RCOR3: variants seen among roughly 807,000 people sequenced by gnomAD.
The protein encoded by RCOR3 is REST corepressor 3.
A neutral mutation model predicts 64.1 loss-of-function variants in RCOR3; 13 were observed. The ratio of observed to expected loss-of-function variants is 0.20; its 90% CI spans 0.13 to 0.32. The LOEUF is 0.32. Ranked by LOEUF, RCOR3 falls within the 10% of genes least tolerant of loss-of-function variation. The pLI, the probability that RCOR3 is intolerant of heterozygous loss-of-function variation, is 1.00. For missense variants in RCOR3, 489 were observed against 701.2 expected (o/e 0.70, Z 3.42); for synonymous variants, 215 against 239.0 (o/e 0.90, Z 0.93).
chr1:211,271,786 C>T (rs866537382), intron 3 of RCOR3: 2 of 249,006 alleles, frequency 8.0e-6, no homozygotes, highest in Middle Eastern at 3.3e-3. Flanking sequence ...ATTGACCATG[C>T]ACTTCTTGAA....
chr1:211,313,796 CTT>C lies in RCOR3; in HGVS notation c.*31_*32del, dbSNP rs753470285. On this transcript the variant is annotated 3_prime_UTR_variant, in exon 12 of 12. Transcript: ENST00000419091. This position sits in a 1 kb window ranked among gnomAD's most constrained non-coding sequence, Gnocchi z 4.7. ...ATTAAATTGGACACAGCTGCAGTAA[CTT>C]TTCACCCCATCATTATACCAGTGCT... The C allele has an allele frequency of 4.4e-5, 68 of 1,560,706 alleles. 1 individual carries two copies. The South Asian group carries it at 6.9e-4, about 16-fold the overall frequency.
rs1449715745 is a variant in RCOR3 at position 211,312,684 on chromosome 1, A to G, written c.1076-36A>G. 6.9e-7 allele frequency: 1 copy of G among 1,446,800 alleles called. No homozygotes were observed. Among genetic ancestry groups the G allele is most frequent in the South Asian group, 1.1e-5 (1 of 87,132 alleles). The allele number at this position is 1,446,800 out of a possible 1,614,324, so 89.6% of individuals were successfully genotyped here. A position where few individuals can be genotyped will look rare whatever the true frequency, so the allele number is the denominator to read the frequency against. ...ATAGTACACACAGCTCTCCTTATTG[A>G]TCCTTCACAGGTGTATTATTTACTT... On this transcript the variant is annotated intron_variant, in intron 10 of 11. Coordinates refer to ENST00000419091, the MANE Select transcript of RCOR3 (RefSeq NM_001136223.3). This position sits in a 1 kb window ranked among gnomAD's most constrained non-coding sequence, Gnocchi z 5.0.
At chr1:211,290,677 C>G (rs1440759452) in intron 8 of RCOR3, among the ~76,000 whole-genome samples, 1 of 152,092 alleles carries the variant, frequency 6.6e-6, no homozygotes, top group African/African-American at 2.4e-5. Context: ...CGCTCGGCCT[C>G]TTGTTGATTC....
intron 2 of RCOR3, among the ~76,000 whole-genome samples, chr1:211,265,961 AT>A (rs1210073042): frequency 6.6e-6 from 1 of 151,780 alleles, no homozygotes; most frequent in East Asian, 1.9e-4. Flanking sequence ...GTGCCCTTTT[AT>A]TTTTTTTAAG....
chr1:211,285,332 T>C (rs1243786596), intron 7 of RCOR3, among the ~76,000 whole-genome samples: 1 of 152,238 alleles, frequency 6.6e-6, no homozygotes, highest in Non-Finnish European at 1.5e-5. Context: ...TGGTAGTTGA[T>C]GCTAGCTGTA....
intron 9 of RCOR3, among the ~76,000 whole-genome samples, chr1:211,296,352 G>A (rs1208369586): frequency 6.6e-6 from 1 of 151,984 alleles, no homozygotes; most frequent in Admixed American, 6.6e-5. Context: ...ATTCCCTTAA[G>A]GTCCAATCAG....
intron 7 of RCOR3, among the ~76,000 whole-genome samples, chr1:211,281,827 A>G (rs1170483485): frequency 6.6e-6 from 1 of 152,160 alleles, no homozygotes; most frequent in African/African-American, 2.4e-5. Context: ...CTGTTGCAGT[A>G]CTAATTCTAC....
chr1:211,271,099 C>A (rs1041966570), intron 2 of RCOR3, 133 bp from the exon 3 acceptor site: 4 of 585,254 alleles, frequency 6.8e-6, no homozygotes, highest in Non-Finnish European at 1.2e-5. Context: ...CCTTGTGATC[C>A]GCCTGCCTCG....
At chr1:211,285,167 G>T (rs1698356443) in intron 7 of RCOR3, among the ~76,000 whole-genome samples, 1 of 151,994 alleles carries the variant, frequency 6.6e-6, no homozygotes, top group South Asian at 2.1e-4. Flanking sequence ...TTTAGTCCTT[G>T]TATCTTATTT....
In RCOR3 at chr1:211,274,912, C is replaced by A. The variant is rs527473781; in HGVS notation, c.354+650C>A. On this transcript the variant is annotated intron_variant, in intron 4 of 11. Coordinates refer to ENST00000419091, the MANE Select transcript of RCOR3 (RefSeq NM_001136223.3). ...TGGCTACCCACAGATTGGTCTTTCT[C>A]TGCATACAAAATATAGTAATGTCAT... 3.3e-5 allele frequency among the ~76,000 whole-genome samples: 5 copies of A among 151,758 alleles called. No individual in the cohort carries two copies. In the East Asian group the frequency reaches 9.7e-4, roughly 29 times the overall value.
At chr1:211,294,586 C>CTTTTTTTTTTT (rs35962546) in intron 8 of RCOR3, among the ~76,000 whole-genome samples, 17 of 87,992 alleles carry the variant, frequency 1.9e-4, no homozygotes, top group East Asian at 3.6e-4. Flanking sequence ...TTCTTTCTTT[C>CTTTTTTTTTTT]TTTTTTTTTT....
At chr1:211,277,892 AC>A (rs1697237487) in intron 5 of RCOR3, among the ~76,000 whole-genome samples, 1 of 152,148 alleles carries the variant, frequency 6.6e-6, no homozygotes, top group Non-Finnish European at 1.5e-5. Context: ...TTAGTTTGTG[AC>A]CTCTTCCCCT....
At position 211,276,337 on chromosome 1, in the gene RCOR3, T is replaced by G. The variant is rs1377042172; in HGVS notation, c.435T>G (p.Asp145Glu). The G allele has an allele frequency of 1.2e-6, 2 of 1,614,014 alleles. No individual in the cohort carries two copies. The change falls in exon 5 of 12, where the codon GAT becomes GAG. Residue 145 changes from aspartate to glutamate, a missense_variant. Coordinates refer to ENST00000419091, the MANE Select transcript of RCOR3 (RefSeq NM_001136223.3). ...ADLPNFTPFP[D>E]EWTVEDKVLF... Reference sequence around the variant, plus strand: ...TCCCTAATTTCACTCCCTTTCCGGATGAGTGGACAGTGGAAGATAAAGTCC... The same window carrying G: ...TCCCTAATTTCACTCCCTTTCCGGAGGAGTGGACAGTGGAAGATAAAGTCC...
chr1:211,300,897 C>G (rs928959964), intron 9 of RCOR3, among the ~76,000 whole-genome samples: 1 of 151,620 alleles, frequency 6.6e-6, no homozygotes, highest in Non-Finnish European at 1.5e-5. Context: ...GAGGGAGACT[C>G]TAGTGTGTAT....
rs540233869 is a variant in RCOR3 at position 211,316,358 on chromosome 1, T to A, written c.*2590T>A. ...AAGCTTGCAATTGAGTAAAATAGAA[T>A]ATAAAATAAAGGTGAAATAATATAA... is the stretch of plus-strand genomic sequence containing the variant. On this transcript the variant is annotated 3_prime_UTR_variant, in exon 12 of 12. Transcript: ENST00000419091. 6.6e-6 allele frequency: 1 copy of A among 152,180 alleles called. No individual in the cohort carries two copies. The highest frequency in any genetic ancestry group is 2.4e-5 in the African/African-American group (1 of 41,454). The allele number at this position is 152,180 out of a possible 1,614,324, so 9.4% of individuals were successfully genotyped here.
At chr1:211,291,713 A>C (rs1415560616) in intron 8 of RCOR3, 2 of 371,412 alleles carry the variant, frequency 5.4e-6, no homozygotes, top group Non-Finnish European at 1.0e-5. Flanking sequence ...CTGGTTCTCT[A>C]ACATAGGCCA....
chr1:211,259,606 C>T lies in RCOR3; in HGVS notation c.46C>T (p.Arg16Ter). ...AGGGCCCGAGTTACTGGGGAAGAAC[C>T]GATCGGCCAACGGCAGCGCCAAGAG... Reference protein sequence around the residue: ...EKGPELLGKNRSANGSAKSPA... With the variant: ...EKGPELLGKN Residue 16 changes from arginine to a stop codon, truncating the protein, a stop_gained, in exon 1 of 12, where the codon CGA becomes TGA. Coordinates refer to ENST00000419091, the MANE Select transcript of RCOR3 (RefSeq NM_001136223.3). LOFTEE classifies it high-confidence loss of function. 1 of 1,548,628 alleles carries T rather than the reference C, an allele frequency of 6.5e-7. No individual in the cohort carries two copies. The highest frequency in any genetic ancestry group is 8.7e-7 in the Non-Finnish European group (1 of 1,146,148).
chr1:211,281,793 C>G (rs1697850763), intron 7 of RCOR3, among the ~76,000 whole-genome samples: 1 of 152,152 alleles, frequency 6.6e-6, no homozygotes. Flanking sequence ...CTTGAATTGA[C>G]AACCTCCTTA....
intron 2 of RCOR3, chr1:211,267,753 A>T (rs1695447276): frequency 3.3e-6 from 1 of 303,714 alleles, no homozygotes; most frequent in South Asian, 2.5e-5. Context: ...GATCACATCC[A>T]GCTAATTTTT....
Sources: allele counts gnomAD v4.1 joint callset (sites outside exome capture counted in the v4.1 genomes callset), GRCh38; gene constraint gnomAD v4.1.1; non-coding constraint Gnocchi (gnomAD v3.1); transcripts MANE v1.5; gene names NCBI Gene and HGNC (gene_info 2026-07-23, HGNC 2026-07-21).